Variants in GABPA observed in about 807,000 individuals in gnomAD.
GABPA encodes GA-binding protein alpha chain.
Under a neutral mutation model 59.4 loss-of-function variants are expected in GABPA, and 4 were observed. The ratio of observed to expected loss-of-function variants is 0.07; its 90% CI spans 0.03 to 0.15. The LOEUF (loss-of-function observed/expected upper bound fraction) is 0.15. Among genes scored for constraint, GABPA ranks in the 10% least tolerant of loss-of-function variants. The pLI, the probability that GABPA is intolerant of heterozygous loss-of-function variation, is 1.00. For synonymous variants in GABPA, 164 were observed against 183.1 expected, an observed-to-expected ratio of 0.90 and a Z score of 0.84; for missense variants, 251 against 543.8, an observed-to-expected ratio of 0.46 and a Z score of 5.36.
rs1337816465 is a variant in GABPA at position 25,764,383 on chromosome 21, T to C, written c.943+33T>C. On this transcript the variant is annotated intron_variant, in intron 8 of 9. Coordinates refer to ENST00000400075, the MANE Select transcript of GABPA (RefSeq NM_002040.4). ...TGTATTTTCTTGTATTTATAAAATA[T>C]ATCTATCTAATTAGGTATATTTTGT... 3.2e-6 allele frequency: 5 copies of C among 1,548,742 alleles called. No homozygotes were observed. In the South Asian group the frequency reaches 4.7e-5, roughly 15 times the overall value.
At chr21:25,744,018 T>C (rs2035294805) in intron 2 of GABPA, among the ~76,000 whole-genome samples, 1 of 121,244 alleles carries the variant, frequency 8.2e-6, no homozygotes, top group African/African-American at 3.3e-5. Context: ...CACCCCAGCC[T>C]AGGAACAGAG....
In GABPA at chr21:25,758,083, T is replaced by C. The variant is rs771462300; in HGVS notation, c.627T>C (p.Asp209=). The C allele has an allele frequency of 3.1e-6, 5 of 1,610,374 alleles. No individual in the cohort carries two copies. The highest frequency in any genetic ancestry group is 2.7e-5 in the African/African-American group (2 of 74,856). Residue 209 remains aspartate (D), a synonymous_variant, in exon 6 of 10, where the codon GAT becomes GAC. Transcript: ENST00000400075. ...TAATGAAGGAATTCAGCATGACCGA[T>C]ATAGACCTCACCACACTCAACATTT... is the stretch of plus-strand genomic sequence containing the variant. ...VWVMKEFSMT[D]IDLTTLNISG... is the part of the protein sequence containing the mutation.
chr21:25,748,089 A>G (rs894420436), intron 3 of GABPA, among the ~76,000 whole-genome samples: 1 of 152,050 alleles, frequency 6.6e-6, no homozygotes, highest in Admixed American at 6.6e-5. Flanking sequence ...GTATTTGTGT[A>G]TAGACAGGGT....
intron 1 of GABPA, 47 bp from the exon 2 acceptor site, chr21:25,741,526 C>A: frequency 4.9e-6 from 5 of 1,015,984 alleles, no homozygotes; most frequent in Admixed American, 2.5e-5. Flanking sequence ...TGTGTCATTT[C>A]GTTTATGTGG....
Position 25,735,340 on chromosome 21 carries a change from G to T in GABPA, c.-265G>T, listed in dbSNP as rs940118280. ...CTCGTGAGCCTCCGTTGCCTTGGGCGGTCGTTTTGCGCACCCTGCCGGGAG... is the reference window on the plus strand; with the variant it reads ...CTCGTGAGCCTCCGTTGCCTTGGGCTGTCGTTTTGCGCACCCTGCCGGGAG... On this transcript the variant is annotated 5_prime_UTR_variant, in exon 1 of 10. Coordinates refer to ENST00000400075, the MANE Select transcript of GABPA (RefSeq NM_002040.4). 1.7e-5 allele frequency: 4 copies of T among 237,980 alleles called. No individual in the cohort carries two copies. The highest frequency in any genetic ancestry group is 5.3e-5 in the Admixed American group (1 of 18,896). 14.7% of individuals were successfully genotyped at this position (237,980 alleles called of 1,614,324 possible).
At chr21:25,756,571 C>T (rs575243628) in intron 5 of GABPA, among the ~76,000 whole-genome samples, 1 of 152,340 alleles carries the variant, frequency 6.6e-6, no homozygotes, top group South Asian at 2.1e-4. Flanking sequence ...TTGCTTTCAT[C>T]TTGTCCTGTT....
chr21:25,742,969 A>G (rs1318746258), intron 2 of GABPA, among the ~76,000 whole-genome samples: 5 of 151,360 alleles, frequency 3.3e-5, no homozygotes. Flanking sequence ...TTTATTGCTC[A>G]TTGTTTCTCA....
intron 3 of GABPA, among the ~76,000 whole-genome samples, chr21:25,747,992 C>A: frequency 6.6e-6 from 1 of 152,070 alleles, no homozygotes; most frequent in East Asian, 1.9e-4. Flanking sequence ...CTGCAACGTC[C>A]GCCTACCGGG....
At chr21:25,762,505 G>A (rs2035788963) in intron 7 of GABPA, 140 bp downstream of exon 7, 4 of 570,386 alleles carry the variant, frequency 7.0e-6, no homozygotes, top group Admixed American at 3.6e-5. Flanking sequence ...ATGAAAGCTC[G>A]ACACAAGTAC....
At chr21:25,744,931 A>G (rs1434750705) in intron 2 of GABPA, among the ~76,000 whole-genome samples, 1 of 152,220 alleles carries the variant, frequency 6.6e-6, no homozygotes, top group African/African-American at 2.4e-5. Flanking sequence ...ATGTATGTGC[A>G]ATGTTTATAT....
At chr21:25,765,502 C>T (rs546839586) in intron 9 of GABPA, among the ~76,000 whole-genome samples, 2 of 151,964 alleles carry the variant, frequency 1.3e-5, no homozygotes, top group East Asian at 3.9e-4. Context: ...CTTTCCATCC[C>T]TTCATCTCAG....
In GABPA at chr21:25,741,080, T is replaced by G. The variant is rs71649669; in HGVS notation, c.-26-493T>G. Among the ~76,000 whole-genome samples, 641 of 152,352 alleles carry G rather than the reference T, an allele frequency of 4.2e-3. 3 individuals carry two copies. Among genetic ancestry groups the G allele is most frequent in the African/African-American group, 0.013 (553 of 41,568 alleles). The stretch of plus-strand genomic sequence containing the variant: ...GATTAATGAAGTTGTCATGTCAGGT[T>G]AATAAACACCAGTTTTTTAAAAAAT... On this transcript the variant is annotated intron_variant, in intron 1 of 9. Transcript: ENST00000400075.
rs59631841 is a variant in GABPA at position 25,765,847 on chromosome 21, T to TC, written c.1136+1067dup. On this transcript the variant is annotated intron_variant, in intron 9 of 9. Transcript: ENST00000400075. ...TAGAGTTAATAATTAAGATGTCAGT[T>TC]CCCCCCCAGATTGATCTAAGTTTCA... 3.2e-4 allele frequency among the ~76,000 whole-genome samples: 49 copies of TC among 151,702 alleles called. No homozygotes were observed. The Middle Eastern group carries it at 0.01, about 32-fold the overall frequency.
At chr21:25,763,201 T>TA in intron 7 of GABPA, 1 of 515,504 alleles carries the variant, frequency 1.9e-6, no homozygotes, top group South Asian at 1.6e-5. Flanking sequence ...TGCTGTCTCT[T>TA]AAACATCTTT....
chr21:25,770,838 A>G lies in GABPA; in HGVS notation c.*1606A>G, dbSNP rs1447589093. The G allele has an allele frequency of 6.6e-6, 1 of 152,088 alleles. No individual in the cohort carries two copies. Among genetic ancestry groups the G allele is most frequent in the Non-Finnish European group, 1.5e-5 (1 of 67,920 alleles). The allele number at this position is 152,088 out of a possible 1,614,324, so 9.4% of individuals were successfully genotyped here. On this transcript the variant is annotated 3_prime_UTR_variant, in exon 10 of 10. Coordinates refer to ENST00000400075, the MANE Select transcript of GABPA (RefSeq NM_002040.4). The stretch of plus-strand genomic sequence containing the variant: ...TCTCTTTCTCTGGTAATCTTAATGC[A>G]TAATTTTACTAAAACATGTTCTCAA...
At chr21:25,766,198 G>C (rs1363945550) in intron 9 of GABPA, among the ~76,000 whole-genome samples, 1 of 152,010 alleles carries the variant, frequency 6.6e-6, no homozygotes, top group African/African-American at 2.4e-5. Context: ...TCAATAATCA[G>C]TGCTGGGATA....
In GABPA at chr21:25,771,719, T is replaced by C. The variant is rs1218545726; in HGVS notation, c.*2487T>C. ...GGAAGAAAGATAAAATTATTGGTCA[T>C]CATTTGTACCTTAGAAGTACAAGAA... is the stretch of plus-strand genomic sequence containing the variant. On this transcript the variant is annotated 3_prime_UTR_variant, in exon 10 of 10. Transcript: ENST00000400075. 6.6e-6 allele frequency: 1 copy of C among 152,016 alleles called. No individual in the cohort carries two copies. Among genetic ancestry groups the C allele is most frequent in the Admixed American group, 6.5e-5 (1 of 15,276 alleles). The allele number at this position is 152,016 out of a possible 1,614,324, so 9.4% of individuals were successfully genotyped here. A position where few individuals can be genotyped will look rare whatever the true frequency, so the allele number is the denominator to read the frequency against.
At chr21:25,746,163 T>C (rs916854920) in intron 3 of GABPA, among the ~76,000 whole-genome samples, 1 of 151,962 alleles carries the variant, frequency 6.6e-6, no homozygotes, top group Non-Finnish European at 1.5e-5. Context: ...TACAGGCCGA[T>C]GCTTCCACAC....
chr21:25,741,563 A>T lies in GABPA; in HGVS notation c.-26-10A>T, dbSNP rs916860728. 7.1e-7 allele frequency: 1 copy of T among 1,411,302 alleles called. No individual in the cohort carries two copies. The highest frequency in any genetic ancestry group is 9.8e-7 in the Non-Finnish European group (1 of 1,021,900). 87.4% of individuals were successfully genotyped at this position (1,411,302 alleles called of 1,614,324 possible). On this transcript the variant is annotated splice_polypyrimidine_tract_variant and intron_variant, in intron 1 of 9. Coordinates refer to ENST00000400075, the MANE Select transcript of GABPA (RefSeq NM_002040.4). Reference sequence around the variant, plus strand: ...TAGTTTTAAAATATCTTAAAAAGTCACTCTTGCAGGACTGATCCTTTGAAA... The same window carrying T: ...TAGTTTTAAAATATCTTAAAAAGTCTCTCTTGCAGGACTGATCCTTTGAAA...
Sources: allele counts gnomAD v4.1 joint callset (sites outside exome capture counted in the v4.1 genomes callset), GRCh38; gene constraint gnomAD v4.1.1; transcripts MANE v1.5; gene names NCBI Gene and HGNC (gene_info 2026-07-23, HGNC 2026-07-21).